The following TLR6 variants were observed in gnomAD, a reference collection of about 807,000 sequenced individuals.
TLR6 encodes toll-like receptor 6.
Under a neutral mutation model 16.1 loss-of-function variants are expected in TLR6, and 9 were observed. The ratio of observed to expected loss-of-function variants is 0.56; its 90% confidence interval spans 0.34 to 0.98. The LOEUF is 0.98. TLR6 is among the 50% of genes least tolerant of loss of function. The pLI is 0.02. For synonymous variants in TLR6, 340 were observed against 338.6 expected (o/e 1.00, Z -0.04); for missense variants, 786 against 921.0 (o/e 0.85, Z 1.90).
the TLR6 span, among the ~76,000 whole-genome samples, chr4:38,863,062 T>C: frequency 6.6e-6 from 1 of 151,970 alleles, no homozygotes; most frequent in African/African-American, 2.4e-5. Context: ...TTCTCTTAAA[T>C]GTACTTCAGT....
At chr4:38,832,028 C>T (rs1466574960) in intron 1 of TLR6, among the ~76,000 whole-genome samples, 2 of 152,172 alleles carry the variant, frequency 1.3e-5, no homozygotes, top group Non-Finnish European at 2.9e-5. Context: ...AAATTTATGT[C>T]CACATAAAAG....
At chr4:38,862,742 C>T in the TLR6 span, among the ~76,000 whole-genome samples, 2 of 151,432 alleles carry the variant, frequency 1.3e-5, no homozygotes, top group South Asian at 4.2e-4. Flanking sequence ...ACTACAGGCA[C>T]GTGCCACCAC....
chr4:38,829,633 A>C, intron 1 of TLR6, 96 bp from the exon 2 acceptor site: 1 of 577,128 alleles, frequency 1.7e-6, no homozygotes, highest in Admixed American at 3.2e-5. Flanking sequence ...TTCTTCATTC[A>C]CTAGTAGAGT....
chr4:38,831,038 A>G (rs1711547892), intron 1 of TLR6, among the ~76,000 whole-genome samples: 1 of 152,056 alleles, frequency 6.6e-6, no homozygotes, highest in South Asian at 2.1e-4. Flanking sequence ...GAAAAAAAAA[A>G]AAAAGAAATT....
intron 1 of TLR6, among the ~76,000 whole-genome samples, chr4:38,850,297 C>G (rs938211181): frequency 5.9e-5 from 9 of 152,102 alleles, no homozygotes; most frequent in Admixed American, 5.9e-4. Context: ...AAAATTGACA[C>G]CCTAACATCA....
At chr4:38,830,339 T>G (rs1005746737) in intron 1 of TLR6, among the ~76,000 whole-genome samples, 5 of 152,192 alleles carry the variant, frequency 3.3e-5, no homozygotes, top group African/African-American at 1.2e-4. Flanking sequence ...TAGCCACACA[T>G]GACAAAGAAT....
upstream of TLR6, among the ~76,000 whole-genome samples, chr4:38,861,370 CATT>C (rs1203028423): frequency 6.6e-6 from 1 of 152,116 alleles, no homozygotes; most frequent in African/African-American, 2.4e-5. Flanking sequence ...TCCTAGATAT[CATT>C]ATTAGCAATG....
At chr4:38,850,857 G>A (rs575544518) in intron 1 of TLR6, among the ~76,000 whole-genome samples, 170 of 152,196 alleles carry the variant, frequency 1.1e-3, no homozygotes, top group African/African-American at 4.0e-3. Flanking sequence ...AGAAAAAGAG[G>A]GAATCCTCCT....
upstream of TLR6, among the ~76,000 whole-genome samples, chr4:38,859,427 G>T (rs779278110): frequency 5.9e-5 from 9 of 152,164 alleles, no homozygotes; most frequent in Non-Finnish European, 1.0e-4. Flanking sequence ...GTGGTGATTT[G>T]TCATGGTAGC....
At chr4:38,855,582 C>T (rs73811223) in intron 1 of TLR6, among the ~76,000 whole-genome samples, 4,902 of 152,226 alleles carry the variant, frequency 0.032, 227 homozygotes, top group African/African-American at 0.089. Context: ...CTGGCATTCA[C>T]AGATGAGGAC....
chr4:38,858,304 A>C (rs1713070519), upstream of TLR6, among the ~76,000 whole-genome samples: 1 of 152,236 alleles, frequency 6.6e-6, no homozygotes, highest in Non-Finnish European at 1.5e-5. Context: ...ATGAATTTAA[A>C]GTGGCTGGAA....
intron 1 of TLR6, among the ~76,000 whole-genome samples, chr4:38,830,216 GGT>G (rs1553856770): frequency 6.6e-6 from 1 of 152,114 alleles, no homozygotes; most frequent in Non-Finnish European, 1.5e-5. Flanking sequence ...AAAGATCAGG[GGT>G]GTTTTTGTTT....
the TLR6 span, among the ~76,000 whole-genome samples, chr4:38,863,308 T>G: frequency 2.0e-5 from 3 of 152,128 alleles, no homozygotes; most frequent in African/African-American, 7.2e-5. Context: ...TCCTTCCCAG[T>G]CTCCTTCTGG....
chr4:38,857,450 T>C (rs904803797), upstream of TLR6, among the ~76,000 whole-genome samples: 1 of 152,158 alleles, frequency 6.6e-6, no homozygotes, highest in Non-Finnish European at 1.5e-5. Flanking sequence ...AAAAATCAAT[T>C]TTCTAAAGAC....
At chr4:38,828,322 T>C in exon 2 of TLR6, 1 of 1,613,528 alleles carries the variant, frequency 6.2e-7, no homozygotes. Context: ...CATTCTTTTG[T>C]AAGATAAGTG....
At chr4:38,846,545 A>G (rs544250573) in intron 1 of TLR6, among the ~76,000 whole-genome samples, 1 of 152,346 alleles carries the variant, frequency 6.6e-6, no homozygotes, top group African/African-American at 2.4e-5. Context: ...CTAAAATGCT[A>G]AAAGACATGG....
In TLR6 at chr4:38,831,209, G is replaced by A. The variant is rs1425373709; in HGVS notation, c.-64-1672C>T. ...ACCCACAAAAAAATAATCAACTGCT[G>A]TTTGACAAACGAGCAAAGGCAACTC... On this transcript the variant is annotated intron_variant, in intron 1 of 1. Transcript: ENST00000436693. 2.0e-5 allele frequency among the ~76,000 whole-genome samples: 3 copies of A among 151,262 alleles called. 1 individual carries two copies. The highest frequency in any genetic ancestry group is 4.4e-5 in the Non-Finnish European group (3 of 67,900).
At chr4:38,831,779 A>T (rs1384059387) in intron 1 of TLR6, among the ~76,000 whole-genome samples, 1 of 152,258 alleles carries the variant, frequency 6.6e-6, no homozygotes, top group East Asian at 1.9e-4. Context: ...ATCATATTTC[A>T]TCATGGTTTT....
intron 1 of TLR6, among the ~76,000 whole-genome samples, chr4:38,851,415 G>T (rs545643523): frequency 6.6e-6 from 1 of 152,182 alleles, no homozygotes; most frequent in South Asian, 2.1e-4. Context: ...AGAAATAAAG[G>T]GTATTCAATT....
Sources: gnomAD v4.1 joint callset for allele counts (sites outside exome capture counted in the v4.1 genomes callset) on GRCh38, gnomAD v4.1.1 for gene constraint, MANE v1.5 for transcripts, NCBI Gene and HGNC (gene_info 2026-07-23, HGNC 2026-07-21) for gene names.